The following UQCC1 variants were observed in gnomAD, a reference collection of about 807,000 sequenced individuals.
UQCC1 encodes bFGF-repressed Zic-binding protein.
In UQCC1, 38 loss-of-function variants were observed where a neutral mutation model predicts 48.0. The ratio of observed to expected loss-of-function variants is 0.79; its 90% confidence interval spans 0.61 to 1.04. UQCC1 has a LOEUF of 1.04. UQCC1 is among the 50% of genes least tolerant of loss of function. The pLI is 0.00. For synonymous variants in UQCC1, 111 were observed against 129.2 expected (o/e 0.86, Z 0.95); for missense variants, 368 against 381.8 (o/e 0.96, Z 0.30).
intron 9 of UQCC1, 111 bp from the exon 10 acceptor site, chr20:35,304,180 G>T: frequency 7.0e-7 from 1 of 1,434,860 alleles, no homozygotes; most frequent in Non-Finnish European, 9.5e-7. Context: ...CGGGGCATGA[G>T]GGGGGCTTCT....
intron 1 of UQCC1, among the ~76,000 whole-genome samples, chr20:35,398,635 G>C (rs1341579570): frequency 6.6e-6 from 1 of 151,628 alleles, no homozygotes; most frequent in Non-Finnish European, 1.5e-5. Context: ...GACAGTTACT[G>C]GTGTTTTGTT....
chr20:35,378,182 C>A (rs1189034010), intron 4 of UQCC1, among the ~76,000 whole-genome samples: 1 of 152,188 alleles, frequency 6.6e-6, no homozygotes, highest in Non-Finnish European at 1.5e-5. Context: ...CATCAGTCAT[C>A]TTTTACTTGA....
intron 1 of UQCC1, among the ~76,000 whole-genome samples, chr20:35,407,483 TA>T (rs2062269776): frequency 6.6e-6 from 1 of 152,020 alleles, no homozygotes; most frequent in Non-Finnish European, 1.5e-5. Context: ...CATGAAAATT[TA>T]AAACTTTTGT....
intron 1 of UQCC1, among the ~76,000 whole-genome samples, chr20:35,400,581 C>T (rs1470458562): frequency 2.6e-5 from 4 of 151,746 alleles, no homozygotes; most frequent in South Asian, 2.1e-4. Context: ...CTGCAAGCTC[C>T]GCCTCCCAGG....
In UQCC1 at chr20:35,374,176, T is replaced by C. The variant is rs1408094097; in HGVS notation, c.406+8A>G. ...TCTCCTTTTCAGTACTATCAAACAA[T>C]AACTTACTTAGAAAGAATTCCTCGA... On this transcript the variant is annotated splice_region_variant and intron_variant, in intron 5 of 9. Transcript: ENST00000374385. 1.2e-6 allele frequency: 2 copies of C among 1,605,126 alleles called. No homozygotes were observed. The highest frequency in any genetic ancestry group is 1.7e-6 in the Non-Finnish European group (2 of 1,172,756).
intron 2 of UQCC1, among the ~76,000 whole-genome samples, chr20:35,385,268 CATCATCACT>C (rs543404428): frequency 1.4e-3 from 206 of 152,300 alleles, no homozygotes; most frequent in African/African-American, 4.9e-3. Context: ...CAGAAGTTTC[CATCATCACT>C]ATCATCACCA....
At position 35,394,111 on chromosome 20, in the gene UQCC1, G is replaced by GCCCTGTCC; in HGVS notation, c.102_109dup (p.Ala37GlyfsTer14). ...TCTTACCTGGGAAGTGCGAGACAGA[G>GCCCTGTCC]CCCTGTCCCCCTGTCCTTGGGTAGG... On this transcript the variant is annotated frameshift_variant, in exon 2 of 10. Transcript: ENST00000374385. LOFTEE classifies it high-confidence loss of function. The GCCCTGTCC allele has an allele frequency of 6.2e-7, 1 of 1,613,980 alleles. No homozygotes were observed. Among genetic ancestry groups the GCCCTGTCC allele is most frequent in the Non-Finnish European group, 8.5e-7 (1 of 1,179,912 alleles).
chr20:35,351,879 A>G (rs1273094029), intron 6 of UQCC1, among the ~76,000 whole-genome samples: 1 of 152,264 alleles, frequency 6.6e-6, no homozygotes, highest in African/African-American at 2.4e-5. Flanking sequence ...ATGGTGACTG[A>G]CAATTCACTC....
chr20:35,380,424 T>C (rs1402843823), intron 4 of UQCC1, among the ~76,000 whole-genome samples: 3 of 152,224 alleles, frequency 2.0e-5, no homozygotes, highest in African/African-American at 7.2e-5. Context: ...AACAAAATGC[T>C]TGTGGAATTA....
In UQCC1 at chr20:35,305,262, A is replaced by G. The variant is rs141842462; in HGVS notation, c.766-1193T>C. Among the ~76,000 whole-genome samples, 54 of 152,304 alleles carry G rather than the reference A, an allele frequency of 3.5e-4. No individual in the cohort carries two copies. The East Asian group carries it at 5.6e-3, about 16-fold the overall frequency. On this transcript the variant is annotated intron_variant, in intron 9 of 9. Coordinates refer to ENST00000374385, the MANE Select transcript of UQCC1 (RefSeq NM_018244.5). ...GCAGGTGCTCAAAAGGTTTGCTGAT[A>G]GAACTGGGTCCCCACCAAAGCTCCC...
intron 1 of UQCC1, among the ~76,000 whole-genome samples, 192 bp downstream of exon 1, chr20:35,411,748 G>C (rs553680322): frequency 1.3e-5 from 2 of 152,108 alleles, no homozygotes; most frequent in African/African-American, 4.8e-5. Flanking sequence ...TCGAAAGATG[G>C]GGGAGCTAAG....
chr20:35,310,216 TCACACATGGTAGA>T (rs1438362138), intron 8 of UQCC1, among the ~76,000 whole-genome samples: 2 of 152,126 alleles, frequency 1.3e-5, no homozygotes, highest in Non-Finnish European at 2.9e-5. Flanking sequence ...TTCCCATGTA[TCACACATGGTAGA>T]CACTCAAAAG....
chr20:35,387,366 G>A (rs888854872), intron 2 of UQCC1, among the ~76,000 whole-genome samples: 8 of 152,242 alleles, frequency 5.3e-5, no homozygotes, highest in South Asian at 4.2e-4. Flanking sequence ...AAACTCAAGC[G>A]ATTCTTGAAT....
At chr20:35,376,719 C>G (rs536054071) in intron 4 of UQCC1, among the ~76,000 whole-genome samples, 1 of 152,156 alleles carries the variant, frequency 6.6e-6, no homozygotes, top group Non-Finnish European at 1.5e-5. Context: ...AATCCCAGCA[C>G]TTTGAGAGAC....
At chr20:35,408,246 T>C (rs1000385079) in intron 1 of UQCC1, among the ~76,000 whole-genome samples, 6 of 152,072 alleles carry the variant, frequency 3.9e-5, no homozygotes, top group East Asian at 1.9e-4. Context: ...CTGGGCAACA[T>C]AGCAAGAACT....
chr20:35,349,304 A>G (rs1331315421), intron 6 of UQCC1, among the ~76,000 whole-genome samples: 2 of 152,224 alleles, frequency 1.3e-5, no homozygotes, highest in Non-Finnish European at 2.9e-5. Flanking sequence ...AACAAGATCA[A>G]CCTAATGGGG....
intron 7 of UQCC1, among the ~76,000 whole-genome samples, chr20:35,324,527 C>T (rs139489524): frequency 0.019 from 2,831 of 152,170 alleles, 94 homozygotes; most frequent in African/African-American, 0.063. Context: ...GGGGTTTCAC[C>T]GTGTTAGCCA....
intron 2 of UQCC1, among the ~76,000 whole-genome samples, chr20:35,393,503 A>AACACACAC (rs3055772): frequency 7.5e-5 from 11 of 146,898 alleles, no homozygotes; most frequent in African/African-American, 2.3e-4. Context: ...AACACACACA[A>AACACACAC]ACACACACAC....
At position 35,302,585 on chromosome 20, in the gene UQCC1, C is replaced by A. The variant is rs1236114912; in HGVS notation, c.*1350G>T. On this transcript the variant is annotated 3_prime_UTR_variant, in exon 10 of 10. Transcript: ENST00000374385. ...CATCCATTCCAGGAGCAGTTAGGTA[C>A]ACACAGTAAAGTTTATTTTGGTGCA... is the stretch of plus-strand genomic sequence containing the variant. The A allele has an allele frequency of 6.6e-6, 1 of 152,184 alleles. No individual in the cohort carries two copies. The highest frequency in any genetic ancestry group is 6.5e-5 in the Admixed American group (1 of 15,284). 9.4% of individuals were successfully genotyped at this position (152,184 alleles called of 1,614,324 possible). A position where few individuals can be genotyped will look rare whatever the true frequency, so the allele number is the denominator to read the frequency against.
Sources: allele counts gnomAD v4.1 joint callset (sites outside exome capture counted in the v4.1 genomes callset), GRCh38; gene constraint gnomAD v4.1.1; transcripts MANE v1.5; gene names NCBI Gene and HGNC (gene_info 2026-07-23, HGNC 2026-07-21).